Variants in OSBP2 observed in about 807,000 individuals in gnomAD.
OSBP2 encodes the protein oxysterol-binding protein 2.
OSBP2 carries 66 observed loss-of-function variants against 96.0 expected under a neutral mutation model. The ratio of observed to expected loss-of-function variants is 0.69; its 90% CI spans 0.56 to 0.84. The LOEUF (loss-of-function observed/expected upper bound fraction) is 0.84. OSBP2 is among the 40% of genes least tolerant of loss of function. OSBP2 has a pLI of 0.00. For synonymous variants in OSBP2, 525 were observed against 520.9 expected (o/e 1.01, Z -0.11); for missense variants, 1,038 against 1,222.7 (o/e 0.85, Z 2.25).
chr22:30,742,511 A>C (rs534558264), intron 2 of OSBP2, among the ~76,000 whole-genome samples: 16 of 152,162 alleles, frequency 1.1e-4, no homozygotes, highest in African/African-American at 3.9e-4. Flanking sequence ...CCAGTCACTC[A>C]CCCCATTCTC....
At chr22:30,792,121 A>G (rs1398070962) in intron 2 of OSBP2, among the ~76,000 whole-genome samples, 1 of 152,036 alleles carries the variant, frequency 6.6e-6, no homozygotes, top group Non-Finnish European at 1.5e-5. Context: ...AGATCAGCCT[A>G]GCCAACATGG....
At chr22:30,874,695 G>C (rs1270652643) in intron 3 of OSBP2, among the ~76,000 whole-genome samples, 1 of 152,226 alleles carries the variant, frequency 6.6e-6, no homozygotes, top group Non-Finnish European at 1.5e-5. Context: ...CTCAGAGGTG[G>C]TTTCTGGATT....
chr22:30,778,170 C>CTTTTTTTTTTTTTTTT (rs71202014), intron 2 of OSBP2, among the ~76,000 whole-genome samples: 1 of 67,016 alleles, frequency 1.5e-5, no homozygotes, highest in Non-Finnish European at 2.9e-5. Context: ...AATTTTTGCC[C>CTTTTTTTTTTTTTTTT]TTTTTTTTTT....
At chr22:30,889,731 C>A in intron 7 of OSBP2, 95 bp downstream of exon 7, 4 of 1,146,406 alleles carry the variant, frequency 3.5e-6, no homozygotes, top group East Asian at 2.4e-5. Flanking sequence ...GTACACACAG[C>A]CTTGGAGTGT....
At chr22:30,835,232 C>A (rs1258851549) in intron 2 of OSBP2, among the ~76,000 whole-genome samples, 1 of 152,084 alleles carries the variant, frequency 6.6e-6, no homozygotes, top group Non-Finnish European at 1.5e-5. Flanking sequence ...AATCCAAATT[C>A]AAGAAGATTT....
At chr22:30,703,091 G>A (rs1490124172) in intron 1 of OSBP2, among the ~76,000 whole-genome samples, 1 of 152,174 alleles carries the variant, frequency 6.6e-6, no homozygotes, top group East Asian at 1.9e-4. Context: ...TGCAGGAAAA[G>A]CAACAGTGGG....
chr22:30,725,189 C>CAA (rs1210520889), intron 1 of OSBP2, among the ~76,000 whole-genome samples: 4 of 74,322 alleles, frequency 5.4e-5, no homozygotes, highest in Non-Finnish European at 8.7e-5. Flanking sequence ...AACAAAAAAA[C>CAA]AAAAAAACAA....
intron 2 of OSBP2, among the ~76,000 whole-genome samples, chr22:30,860,353 A>G (rs996091364): frequency 3.3e-5 from 5 of 152,062 alleles, no homozygotes; most frequent in Non-Finnish European, 5.9e-5. Context: ...CCAACTTGGG[A>G]GGCTAGGGCC....
Position 30,906,312 on chromosome 22 carries a change from C to T in OSBP2, c.2724C>T (p.Asp908=). The change falls in exon 14 of 14, where the codon GAC becomes GAT. Residue 908 remains aspartate (D), a synonymous_variant. Coordinates refer to ENST00000332585, the MANE Select transcript of OSBP2 (RefSeq NM_030758.4). Reference sequence around the variant, plus strand: ...ACTGGGAGGCCAAGGAGAAGCAAGACTGGCATATGTGCCCCAACATCTTCT... The same window carrying T: ...ACTGGGAGGCCAAGGAGAAGCAAGATTGGCATATGTGCCCCAACATCTTCT... ...GGYWEAKEKQ[D]WHMCPNIF 1 of 1,612,194 alleles carries T rather than the reference C, an allele frequency of 6.2e-7. No individual in the cohort carries two copies. The highest frequency in any genetic ancestry group is 1.1e-5 in the South Asian group (1 of 90,896).
At chr22:30,762,291 T>TA (rs1178244219) in intron 2 of OSBP2, among the ~76,000 whole-genome samples, 2 of 149,112 alleles carry the variant, frequency 1.3e-5, no homozygotes, top group Non-Finnish European at 3.0e-5. Flanking sequence ...GGCTCACGCC[T>TA]GTAATCTCAG....
At position 30,870,709 on chromosome 22, in the gene OSBP2, C is replaced by A; in HGVS notation, c.1107+27C>A. On this transcript the variant is annotated intron_variant, in intron 3 of 13. Coordinates refer to ENST00000332585, the MANE Select transcript of OSBP2 (RefSeq NM_030758.4). The surrounding 1 kb of genome is among the most constrained non-coding windows in gnomAD (Gnocchi z 4.1). ...TGAGTACCCACCCCCACCGCCCTGG[C>A]ACGGGGCTCCCTGGCTCCAGCCCCG... 1.2e-6 allele frequency: 2 copies of A among 1,602,608 alleles called. No individual in the cohort carries two copies. The highest frequency in any genetic ancestry group is 2.2e-5 in the South Asian group (2 of 90,634).
intron 1 of OSBP2, among the ~76,000 whole-genome samples, chr22:30,717,730 A>G (rs1037522434): frequency 2.6e-5 from 4 of 152,164 alleles, no homozygotes; most frequent in African/African-American, 9.7e-5. Context: ...TCTTCTATTC[A>G]TCTCAAATAT....
In OSBP2 at chr22:30,748,544, C is replaced by G. The variant is rs567019409; in HGVS notation, c.853+7175C>G. 2.8e-4 allele frequency among the ~76,000 whole-genome samples: 42 copies of G among 152,284 alleles called. No homozygotes were observed. The South Asian group carries it at 8.3e-3, about 30-fold the overall frequency. ...GTTTGTTACTGGGGTTGGTGCCTAG[C>G]AAGGATCTGTTGTGGGGCCAGTGTG... is the stretch of plus-strand genomic sequence containing the variant. On this transcript the variant is annotated intron_variant, in intron 2 of 13. Transcript: ENST00000332585.
intron 2 of OSBP2, among the ~76,000 whole-genome samples, chr22:30,744,895 A>G (rs1413030526): frequency 6.6e-6 from 1 of 152,202 alleles, no homozygotes; most frequent in Non-Finnish European, 1.5e-5. Context: ...CACATGGAAC[A>G]TTTTTCAGGA....
intron 1 of OSBP2, among the ~76,000 whole-genome samples, chr22:30,719,358 C>T (rs1271160448): frequency 6.6e-6 from 1 of 152,056 alleles, no homozygotes; most frequent in Non-Finnish European, 1.5e-5. Flanking sequence ...TAGCCAGCCA[C>T]ACACTGCAGA....
intron 2 of OSBP2, among the ~76,000 whole-genome samples, chr22:30,744,884 A>G (rs761605624): frequency 2.6e-5 from 4 of 152,240 alleles, no homozygotes; most frequent in Non-Finnish European, 5.9e-5. Context: ...CTTTTCAAGT[A>G]CACATGGAAC....
intron 12 of OSBP2, among the ~76,000 whole-genome samples, chr22:30,900,542 G>C (rs567153703): frequency 4.1e-4 from 63 of 151,974 alleles, no homozygotes; most frequent in African/African-American, 1.5e-3. Flanking sequence ...TTCTGAAGAA[G>C]ACCAGAGAGG....
chr22:30,792,010 G>C (rs927843620), intron 2 of OSBP2, among the ~76,000 whole-genome samples: 2 of 152,064 alleles, frequency 1.3e-5, no homozygotes, highest in East Asian at 3.9e-4. Context: ...TTTAGGAACC[G>C]CATACAGAAG....
intron 1 of OSBP2, among the ~76,000 whole-genome samples, chr22:30,708,012 C>T (rs751272367): frequency 5.8e-4 from 88 of 151,916 alleles, no homozygotes; most frequent in African/African-American, 2.0e-3. Flanking sequence ...CTCACCCTCC[C>T]GAGTCGATGG....
Sources: allele counts gnomAD v4.1 joint callset (sites outside exome capture counted in the v4.1 genomes callset), GRCh38; gene constraint gnomAD v4.1.1; non-coding constraint Gnocchi (gnomAD v3.1); transcripts MANE v1.5; gene names NCBI Gene and HGNC (gene_info 2026-07-23, HGNC 2026-07-21).